Variants in CTNND2 observed in about 807,000 individuals in gnomAD.
CTNND2 encodes the protein catenin delta-2.
Under a neutral mutation model 144.4 loss-of-function variants are expected in CTNND2, and 22 were observed. That is an observed-to-expected ratio of 0.15 (90% CI 0.11 to 0.22). The LOEUF is 0.22. Among genes scored for constraint, CTNND2 ranks in the 10% least tolerant of loss-of-function variants. The pLI is 1.00. For missense variants in CTNND2, 1,353 were observed against 1,618.8 expected, an observed-to-expected ratio of 0.84 and a Z score of 2.82; for synonymous variants, 751 against 695.6, an observed-to-expected ratio of 1.08 and a Z score of -1.25.
intron 5 of CTNND2, among the ~76,000 whole-genome samples, chr5:11,400,117 G>GT (rs928225455): frequency 2.4e-4 from 36 of 149,620 alleles, no homozygotes; most frequent in Admixed American, 4.7e-4. Flanking sequence ...TTTAAATTAT[G>GT]TTTTTTTTTT....
chr5:11,314,794 G>T (rs1751330911), intron 9 of CTNND2, among the ~76,000 whole-genome samples: 1 of 152,186 alleles, frequency 6.6e-6, no homozygotes, highest in Non-Finnish European at 1.5e-5. Context: ...TACCCCTGAA[G>T]AAATGAATGT....
At chr5:11,010,347 A>G in intron 18 of CTNND2, among the ~76,000 whole-genome samples, 1 of 152,258 alleles carries the variant, frequency 6.6e-6, no homozygotes, top group East Asian at 1.9e-4. Context: ...ATTGGAAGAC[A>G]TATTAAAGCC....
rs34629815 is a variant in CTNND2 at position 11,776,025 on chromosome 5, C to T, written c.38-43753G>A. 8.5e-4 allele frequency among the ~76,000 whole-genome samples: 129 copies of T among 152,198 alleles called. No individual in the cohort carries two copies. In the East Asian group the frequency reaches 0.015, roughly 17 times the overall value. On this transcript the variant is annotated intron_variant, in intron 1 of 21. Transcript: ENST00000304623. ...AATCACGAGAAGCTGGAAGAGGCCA[C>T]GAAGGATTCTTTCCTAGAGCCTTCA...
At chr5:11,555,158 T>C (rs1776113807) in intron 3 of CTNND2, among the ~76,000 whole-genome samples, 1 of 152,194 alleles carries the variant, frequency 6.6e-6, no homozygotes, top group Admixed American at 6.5e-5. Flanking sequence ...CAGTATTAGT[T>C]GCTGTGTGCT....
chr5:11,568,685 G>T (rs528702778), intron 2 of CTNND2, among the ~76,000 whole-genome samples: 116 of 152,274 alleles, frequency 7.6e-4, no homozygotes, highest in African/African-American at 2.5e-3. Flanking sequence ...AGATTCTTTT[G>T]CACTGGAGGA....
intron 1 of CTNND2, among the ~76,000 whole-genome samples, chr5:11,776,852 A>G (rs1364572750): frequency 6.6e-6 from 1 of 152,260 alleles, no homozygotes; most frequent in Non-Finnish European, 1.5e-5. Context: ...TGTATTTACA[A>G]GTCCTTAATA....
chr5:11,384,708 C>G lies in CTNND2; in HGVS notation c.1134G>C (p.Glu378Asp). 2 of 1,610,408 alleles carry G rather than the reference C, an allele frequency of 1.2e-6. No individual in the cohort carries two copies. The highest frequency in any genetic ancestry group is 8.5e-7 in the Non-Finnish European group (1 of 1,179,294). The change falls in exon 7 of 22, where the codon GAG becomes GAC. Residue 378 changes from glutamate to aspartate, a missense_variant. Transcript: ENST00000304623. This position sits in a 1 kb window ranked among gnomAD's most constrained non-coding sequence, Gnocchi z 5.2. ...ASEQYSKHSQ[E>D]LYATATLQRP... Reference sequence around the variant, plus strand: ...TCTGGAGGGTGGCCGTGGCATACAGCTCCTGCGAGTGCTTGCTGTACTGCT... The same window carrying G: ...TCTGGAGGGTGGCCGTGGCATACAGGTCCTGCGAGTGCTTGCTGTACTGCT...
chr5:11,037,456 C>T (rs1349947723), intron 16 of CTNND2, among the ~76,000 whole-genome samples: 3 of 152,136 alleles, frequency 2.0e-5, no homozygotes, highest in African/African-American at 7.2e-5. Flanking sequence ...TACACGCATC[C>T]CTATATCAGC....
chr5:11,693,468 A>ATTTTG (rs895261052), intron 2 of CTNND2, among the ~76,000 whole-genome samples: 3 of 152,052 alleles, frequency 2.0e-5, no homozygotes, highest in South Asian at 2.1e-4. Context: ...TTTTGTTTTT[A>ATTTTG]TTTTGTTTTG....
rs1736043926 is a variant in CTNND2, at chr5:10,973,481, T to A, written c.3650A>T (p.Tyr1217Phe). ...CACCCAGGAGTCGGGGGAGGCCGGG[T>A]AGTGGCTCGTTTCATAGTTCAGTTC... ...YSELNYETSH[Y>F]PASPDSWV The change falls in exon 22 of 22, where the codon TAC becomes TTC. Residue 1217 changes from tyrosine to phenylalanine, a missense_variant. Transcript: ENST00000304623. The surrounding 1 kb of genome is among the most constrained non-coding windows in gnomAD (Gnocchi z 5.6). 1 of 1,597,978 alleles carries A rather than the reference T, an allele frequency of 6.3e-7. No homozygotes were observed. Among genetic ancestry groups the A allele is most frequent in the East Asian group, 2.2e-5 (1 of 44,666 alleles).
chr5:11,709,782 A>G (rs997068319), intron 2 of CTNND2, among the ~76,000 whole-genome samples: 8 of 152,340 alleles, frequency 5.3e-5, no homozygotes, highest in African/African-American at 1.9e-4. Context: ...GATTTTGTAC[A>G]AAACATTTCT....
rs1400840379 is a variant in CTNND2, at chr5:11,564,982, G to C, written c.249C>G (p.Cys83Trp). 6.2e-7 allele frequency: 1 copy of C among 1,613,966 alleles called. No homozygotes were observed. Among genetic ancestry groups the C allele is most frequent in the Non-Finnish European group, 8.5e-7 (1 of 1,179,968 alleles). Residue 83 changes from cysteine to tryptophan, a missense_variant, in exon 3 of 22, where the codon TGC becomes TGG. By Grantham distance (215) the Cys-to-Trp change is radical (BLOSUM62 -2). This residue lies in a region of CTNND2 where 708 missense variants were observed against 706.4 expected (regional missense o/e 1.00). Coordinates refer to ENST00000304623, the MANE Select transcript of CTNND2 (RefSeq NM_001332.4). ...RQIVASQLER[C>W]KLGSETGSMS... ...TGCTGCCAGTCTCGGATCCGAGCTT[G>C]CATCGCTCCAGCTGGCTGGCTACGA... is the stretch of plus-strand genomic sequence containing the variant.
chr5:11,638,082 T>C (rs559308076), intron 2 of CTNND2, among the ~76,000 whole-genome samples: 4 of 152,338 alleles, frequency 2.6e-5, no homozygotes, highest in African/African-American at 9.6e-5. Context: ...ATATTCTTAG[T>C]ACTTTAAATT....
intron 12 of CTNND2, among the ~76,000 whole-genome samples, chr5:11,133,963 A>G (rs1163682458): frequency 2.0e-5 from 3 of 152,180 alleles, no homozygotes; most frequent in Admixed American, 2.0e-4. Context: ...GCTCAACCAA[A>G]TACTAACTGG....
chr5:11,703,943 G>A (rs1785575749), intron 2 of CTNND2, among the ~76,000 whole-genome samples: 2 of 152,232 alleles, frequency 1.3e-5, no homozygotes, highest in East Asian at 1.9e-4. Context: ...CTTTTTCTGA[G>A]GGATTCTCAA....
chr5:11,859,234 C>A (rs1050844297), intron 1 of CTNND2, among the ~76,000 whole-genome samples: 2 of 152,186 alleles, frequency 1.3e-5, no homozygotes, highest in African/African-American at 4.8e-5. Context: ...CTATGAATGA[C>A]TGAAGCAGTT....
At chr5:11,173,306 G>A (rs1381036700) in intron 11 of CTNND2, among the ~76,000 whole-genome samples, 2 of 152,244 alleles carry the variant, frequency 1.3e-5, no homozygotes, top group Admixed American at 1.3e-4. Context: ...AAGCCTTGTG[G>A]CTAGAGCAGC....
chr5:11,195,789 G>C (rs1736801927), intron 11 of CTNND2, among the ~76,000 whole-genome samples: 1 of 152,216 alleles, frequency 6.6e-6, no homozygotes, highest in South Asian at 2.1e-4. Flanking sequence ...TTTAGAGAGA[G>C]AAAAATTATA....
intron 3 of CTNND2, among the ~76,000 whole-genome samples, chr5:11,538,071 A>T (rs1279556273): frequency 1.3e-5 from 2 of 152,218 alleles, no homozygotes; most frequent in Non-Finnish European, 2.9e-5. Context: ...TTTGGAGCTG[A>T]CCATCCATTC....
Sources: allele counts gnomAD v4.1 joint callset (sites outside exome capture counted in the v4.1 genomes callset), GRCh38; gene constraint gnomAD v4.1.1; regional missense constraint gnomAD v4.1.1; non-coding constraint Gnocchi (gnomAD v3.1); transcripts MANE v1.5; gene names NCBI Gene and HGNC (gene_info 2026-07-23, HGNC 2026-07-21).